SRBD1: variants seen among roughly 807,000 people sequenced by gnomAD.
The protein encoded by SRBD1 is S1 RNA binding domain 1.
SRBD1 carries 88 observed loss-of-function variants against 115.3 expected under a neutral mutation model. The observed-to-expected ratio is 0.76, with a 90% CI of 0.64 to 0.91. The LOEUF is 0.91. Among genes scored for constraint, SRBD1 ranks in the 40% least tolerant of loss-of-function variants. The pLI is 0.00. For synonymous variants in SRBD1, 509 were observed against 407.7 expected (o/e 1.25, Z -2.99); for missense variants, 1,385 against 1,177.4 (o/e 1.18, Z -2.58).
At chr2:45,436,758 G>C (rs1397419915) in intron 16 of SRBD1, among the ~76,000 whole-genome samples, 1 of 152,112 alleles carries the variant, frequency 6.6e-6, no homozygotes, top group Non-Finnish European at 1.5e-5. Context: ...CTCAAGACCT[G>C]ATGATTACAA....
chr2:45,573,123 T>C, intron 9 of SRBD1, 84 bp downstream of exon 9: 3 of 1,370,250 alleles, frequency 2.2e-6, no homozygotes, highest in Non-Finnish European at 2.9e-6. Flanking sequence ...ATAAAATTAT[T>C]TAAATTCTTA....
At chr2:45,482,354 T>C (rs190322996) in intron 15 of SRBD1, among the ~76,000 whole-genome samples, 31 of 151,972 alleles carry the variant, frequency 2.0e-4, no homozygotes, top group Admixed American at 1.7e-3. Flanking sequence ...AATGAAAAAA[T>C]AACAGAACTA....
At chr2:45,504,576 T>C (rs1488285020) in intron 14 of SRBD1, among the ~76,000 whole-genome samples, 2 of 152,186 alleles carry the variant, frequency 1.3e-5, no homozygotes, top group African/African-American at 2.4e-5. Flanking sequence ...GGTAATAATA[T>C]GCAAAATAAT....
intron 14 of SRBD1, among the ~76,000 whole-genome samples, chr2:45,519,446 G>C (rs1671216099): frequency 6.6e-6 from 1 of 152,140 alleles, no homozygotes; most frequent in South Asian, 2.1e-4. Context: ...ACGCTTACAA[G>C]GACCCAGGTG....
At chr2:45,575,830 A>G (rs930083042) in intron 7 of SRBD1, among the ~76,000 whole-genome samples, 1 of 152,080 alleles carries the variant, frequency 6.6e-6, no homozygotes, top group Admixed American at 6.5e-5. Context: ...CAGCCTCCCA[A>G]GTAACAGGGA....
intron 14 of SRBD1, among the ~76,000 whole-genome samples, chr2:45,509,510 G>A (rs985177044): frequency 1.3e-5 from 2 of 149,276 alleles, no homozygotes; most frequent in African/African-American, 2.5e-5. Flanking sequence ...GCAGGAGAAT[G>A]GCGTGAACCC....
In SRBD1 at chr2:45,438,210, T is replaced by TATA. The variant is rs1668559520; in HGVS notation, c.2050-18317_2050-18316insTAT. Among the ~76,000 whole-genome samples the TATA allele has an allele frequency of 3.3e-5, 5 of 152,326 alleles. No homozygotes were observed. The South Asian group carries it at 1.0e-3, about 32-fold the overall frequency. On this transcript the variant is annotated intron_variant, in intron 16 of 20. Coordinates refer to ENST00000263736, the MANE Select transcript of SRBD1 (RefSeq NM_018079.5). ...TTGAAAAAAATCCCTATATGATTCA[T>TATA]TCTGATCTGATAGTCTGATCTGAGA...
At chr2:45,558,949 C>A (rs1297495014) in intron 10 of SRBD1, among the ~76,000 whole-genome samples, 3 of 152,156 alleles carry the variant, frequency 2.0e-5, no homozygotes, top group African/African-American at 7.2e-5. Flanking sequence ...ATCCTCTCAC[C>A]TTGGTCTCCC....
intron 1 of SRBD1, among the ~76,000 whole-genome samples, chr2:45,608,464 C>A (rs62128611): frequency 0.35 from 52,645 of 151,974 alleles, 9,395 homozygotes; most frequent in Non-Finnish European, 0.4. Context: ...CCAGTTTAAA[C>A]ACCAATATTC....
chr2:45,461,982 A>G (rs887137849), intron 16 of SRBD1, among the ~76,000 whole-genome samples: 1 of 152,320 alleles, frequency 6.6e-6, no homozygotes, highest in Non-Finnish European at 1.5e-5. Flanking sequence ...TTCATTTACT[A>G]AGTTTTTATT....
rs1204099615 is a variant in SRBD1 at position 45,477,072 on chromosome 2, G to C, written c.1970C>G (p.Ser657Cys). Residue 657 changes from serine to cysteine, a missense_variant, in exon 16 of 21, where the codon TCC becomes TGC. Transcript: ENST00000263736. ...TGGATCTTGTACACGCCTTGCTATG[G>C]AAACTGAAAAAACAGAATCAGAAAA... ...GLDPNLRSAV[S>C]IARRVQDPLA... 6.2e-7 allele frequency: 1 copy of C among 1,613,166 alleles called. No homozygotes were observed. Among genetic ancestry groups the C allele is most frequent in the Non-Finnish European group, 8.5e-7 (1 of 1,179,694 alleles).
chr2:45,391,466 C>T (rs544038844), intron 20 of SRBD1, among the ~76,000 whole-genome samples: 1 of 152,076 alleles, frequency 6.6e-6, no homozygotes, highest in Non-Finnish European at 1.5e-5. Flanking sequence ...AATATCATCA[C>T]GTGGAAATGC....
At chr2:45,514,503 T>C (rs952272733) in intron 14 of SRBD1, among the ~76,000 whole-genome samples, 7 of 152,174 alleles carry the variant, frequency 4.6e-5, no homozygotes, top group East Asian at 1.9e-4. Context: ...ACTCCTAAAG[T>C]GCTACTGAGT....
intron 16 of SRBD1, 30 bp from the exon 17 acceptor site, chr2:45,419,924 T>C: frequency 6.3e-7 from 1 of 1,580,158 alleles, no homozygotes; most frequent in Non-Finnish European, 8.7e-7. Context: ...ATATTAACAG[T>C]GAAGGAGATG....
chr2:45,608,308 A>G (rs1008443769), intron 1 of SRBD1, among the ~76,000 whole-genome samples: 1 of 152,224 alleles, frequency 6.6e-6, no homozygotes, highest in Non-Finnish European at 1.5e-5. Flanking sequence ...ATGTAAAAGG[A>G]AAGGTGGGAA....
intron 19 of SRBD1, among the ~76,000 whole-genome samples, chr2:45,395,227 A>G (rs1453202412): frequency 6.6e-6 from 1 of 152,238 alleles, no homozygotes; most frequent in East Asian, 1.9e-4. Context: ...ACCATCTGTT[A>G]AAAATGACAG....
intron 16 of SRBD1, among the ~76,000 whole-genome samples, chr2:45,434,694 G>C (rs1457055557): frequency 2.0e-5 from 3 of 152,106 alleles, no homozygotes; most frequent in African/African-American, 7.2e-5. Flanking sequence ...TTTTGGCCCA[G>C]AGGTGTTTAT....
chr2:45,406,316 T>C (rs1284721856), intron 19 of SRBD1, among the ~76,000 whole-genome samples: 3 of 152,048 alleles, frequency 2.0e-5, no homozygotes, highest in Non-Finnish European at 4.4e-5. Flanking sequence ...AGTTTTGAGT[T>C]TTTTCAGTGA....
chr2:45,529,226 A>G (rs1288441891), intron 14 of SRBD1, among the ~76,000 whole-genome samples: 1 of 151,954 alleles, frequency 6.6e-6, no homozygotes, highest in African/African-American at 2.4e-5. Context: ...ATCCCCCAAG[A>G]TATTAAATTC....
Sources: allele counts gnomAD v4.1 joint callset (sites outside exome capture counted in the v4.1 genomes callset), GRCh38; gene constraint gnomAD v4.1.1; transcripts MANE v1.5; gene names NCBI Gene and HGNC (gene_info 2026-07-23, HGNC 2026-07-21).